The following FUS variants were observed in gnomAD, a reference collection of about 807,000 sequenced individuals.
FUS encodes the protein RNA-binding protein FUS.
Under a neutral mutation model 82.7 loss-of-function variants are expected in FUS, and 5 were observed. That is an observed-to-expected ratio of 0.06 (90% CI 0.03 to 0.13). The LOEUF is 0.13. Ranked by LOEUF, FUS falls within the 10% of genes least tolerant of loss-of-function variation. The pLI is 1.00. For missense variants in FUS, 512 were observed against 707.8 expected (o/e 0.72, Z 3.14); for synonymous variants, 281 against 247.4 (o/e 1.14, Z -1.27).
In FUS at chr16:31,190,725, T is replaced by C. The variant is rs1424906282; in HGVS notation, c.1293-17T>C. 10 of 1,609,162 alleles carry C rather than the reference T, an allele frequency of 6.2e-6. No individual in the cohort carries two copies. The Admixed American group carries it at 1.5e-4, about 24-fold the overall frequency. On this transcript the variant is annotated splice_polypyrimidine_tract_variant and intron_variant, in intron 12 of 14. Transcript: ENST00000254108. ...ATTCCCCATCGCTCCAGACTGATTG[T>C]CTTCCTTTCTCCTTAGCACCTGTGA...
intron 5 of FUS, 82 bp downstream of exon 5, chr16:31,184,478 CTGT>C (rs2079231233): frequency 6.0e-6 from 8 of 1,322,484 alleles, no homozygotes; most frequent in Admixed American, 2.1e-5. Context: ...TGCTCTGTCT[CTGT>C]TGCTGAGGCT....
intron 8 of FUS, chr16:31,188,922 A>G (rs1398139670): frequency 1.6e-6 from 1 of 608,416 alleles, no homozygotes; most frequent in Admixed American, 2.7e-5. Context: ...AACATGTTTC[A>G]AAGGATAATT....
chr16:31,194,193 G>T, downstream of FUS: 3 of 530,396 alleles, frequency 5.7e-6, no homozygotes. Flanking sequence ...TCAGTGGTGG[G>T]TAGATTGACC....
chr16:31,182,447 G>T, intron 2 of FUS, 25 bp downstream of exon 2: 3 of 1,614,242 alleles, frequency 1.9e-6, no homozygotes, highest in Non-Finnish European at 2.5e-6. Flanking sequence ...TGGGCTTCCA[G>T]AGTTTGTAGA....
At chr16:31,180,370 A>G in intron 1 of FUS, 143 bp downstream of exon 1, 1 of 1,073,500 alleles carries the variant, frequency 9.3e-7, no homozygotes, top group Non-Finnish European at 1.4e-6. Context: ...GAGAAGAGTA[A>G]CTGGAGGAGG....
In FUS at chr16:31,187,922, A is replaced by C. The variant is rs1227514425; in HGVS notation, c.800-403A>C. On this transcript the variant is annotated intron_variant, in intron 7 of 14. Transcript: ENST00000254108. ...GGTAAAGTTGGGAGAAACTGGATGG[A>C]TGCACATCGCATGGCTGGTGGCGAG... 2.1e-5 allele frequency: 6 copies of C among 288,864 alleles called. No homozygotes were observed. In the East Asian group the frequency reaches 3.2e-4, roughly 15 times the overall value. 17.9% of individuals were successfully genotyped at this position (288,864 alleles called of 1,614,324 possible).
chr16:31,189,891 A>C (rs567135495), intron 10 of FUS, 97 bp downstream of exon 10: 1 of 1,603,316 alleles, frequency 6.2e-7, no homozygotes, highest in Admixed American at 1.7e-5. Flanking sequence ...GAGTCTTCCA[A>C]CACTTACTTT....
At chr16:31,185,584 G>A in intron 6 of FUS, 1 of 528,366 alleles carries the variant, frequency 1.9e-6, no homozygotes, top group Non-Finnish European at 3.7e-6. Flanking sequence ...TGTCCTCTAG[G>A]GAGTTGGTAA....
intron 3 of FUS, 153 bp from the exon 4 acceptor site, chr16:31,183,702 AAGG>A (rs1215869484): frequency 3.4e-6 from 3 of 877,654 alleles, no homozygotes; most frequent in African/African-American, 1.7e-5. Context: ...TAGGCTTTGA[AAGG>A]AGGGTAACTA....
At chr16:31,180,276 C>G in intron 1 of FUS, 49 bp downstream of exon 1, 2 of 1,582,856 alleles carry the variant, frequency 1.3e-6, no homozygotes, top group East Asian at 2.3e-5. Context: ...GCCGAGGCCT[C>G]CCAGCTGGGC....
chr16:31,187,318 C>T (rs745858479), intron 7 of FUS: 9 of 266,442 alleles, frequency 3.4e-5, no homozygotes, highest in African/African-American at 1.3e-4. Context: ...TTATAAAGTA[C>T]GGAATGGTGT....
chr16:31,191,172 G>A (rs765175563), intron 14 of FUS, 62 bp downstream of exon 14: 42 of 1,593,082 alleles, frequency 2.6e-5, no homozygotes, highest in Non-Finnish European at 3.3e-5. Flanking sequence ...GGATAACAGG[G>A]TTTTGTTGAG....
At chr16:31,183,527 A>G in intron 3 of FUS, 1 of 363,484 alleles carries the variant, frequency 2.8e-6, no homozygotes, top group Non-Finnish European at 5.3e-6. Flanking sequence ...GTAACTAAGA[A>G]AGGTGGTTGT....
chr16:31,184,112 G>A (rs1028521824), intron 4 of FUS, 97 bp from the exon 5 acceptor site: 2 of 1,612,794 alleles, frequency 1.2e-6, no homozygotes, highest in Non-Finnish European at 1.7e-6. Context: ...GGGTAGGGGA[G>A]CCTGTGTTGG....
intron 7 of FUS, chr16:31,187,043 T>C: frequency 1.6e-6 from 1 of 625,940 alleles, no homozygotes; most frequent in South Asian, 1.8e-5. Flanking sequence ...TAGTCATCTT[T>C]TACCAAATGG....
chr16:31,188,769 A>G (rs1385414713), intron 8 of FUS: 16 of 468,720 alleles, frequency 3.4e-5, no homozygotes, highest in Non-Finnish European at 5.8e-5. Context: ...ATGTTTGTGT[A>G]CTAGATTTGA....
At chr16:31,193,671 G>A (rs1283086036), downstream of FUS, 2 of 532,128 alleles carry the variant, frequency 3.8e-6, no homozygotes, top group Non-Finnish European at 7.3e-6. Context: ...TCCAGTTTGG[G>A]GGGATCTTCC....
rs1341924949 is a variant in FUS at position 31,184,349 on chromosome 16, A to C, written c.476A>C (p.Asn159Thr). Residue 159 changes from asparagine to threonine, a missense_variant, in exon 5 of 15, where the codon AAC (asparagine) becomes ACC (threonine). Transcript: ENST00000254108. ...YNPPQGYGQQ[N>T]QYNSSSGGGG... ...CCCCCTCAGGGCTATGGACAGCAGA[A>C]CCAGTACAACAGCAGCAGTGGTGGT... The C allele has an allele frequency of 5.6e-6, 9 of 1,613,948 alleles. No individual in the cohort carries two copies. Among genetic ancestry groups the C allele is most frequent in the Admixed American group, 1.7e-5 (1 of 59,990 alleles).
downstream of FUS, chr16:31,193,510 C>T (rs2079387289): frequency 1.9e-6 from 1 of 529,480 alleles, no homozygotes; most frequent in Non-Finnish European, 3.7e-6. Flanking sequence ...CCCTGATGCC[C>T]TCCTGTTAGG....
Sources: gnomAD v4.1 joint callset for allele counts on GRCh38, gnomAD v4.1.1 for gene constraint, MANE v1.5 for transcripts, NCBI Gene and HGNC (gene_info 2026-07-23, HGNC 2026-07-21) for gene names.